Variants in ADAM11 observed in about 807,000 individuals in gnomAD.
ADAM11 encodes the protein disintegrin and metalloproteinase domain-containing protein 11.
Under a neutral mutation model 119.1 loss-of-function variants are expected in ADAM11, and 49 were observed. That is an observed-to-expected ratio of 0.41 (90% CI 0.33 to 0.52). ADAM11 has a LOEUF of 0.52. ADAM11 is among the 20% of genes least tolerant of loss of function. The probability of loss-of-function intolerance (pLI) is 0.20; values close to 1 mark genes in which losing one functional copy is unlikely to be tolerated. For missense variants in ADAM11, 777 were observed against 1,047.5 expected (o/e 0.74, Z 3.56); for synonymous variants, 364 against 408.0 (o/e 0.89, Z 1.30).
intron 2 of ADAM11, among the ~76,000 whole-genome samples, chr17:44,766,594 C>A (rs77333499): frequency 0.012 from 1,886 of 152,292 alleles, 28 homozygotes; most frequent in African/African-American, 0.041. Flanking sequence ...TGAGATCCAG[C>A]CCCACACCTC....
intron 2 of ADAM11, among the ~76,000 whole-genome samples, chr17:44,766,070 C>T (rs2049446802): frequency 6.6e-6 from 1 of 152,140 alleles, no homozygotes; most frequent in Admixed American, 6.5e-5. Context: ...TAAAGGTCGC[C>T]CACCTGAAAA....
chr17:44,772,870 A>T lies in ADAM11; in HGVS notation c.692A>T (p.His231Leu). The T allele has an allele frequency of 6.2e-7, 1 of 1,602,658 alleles. No individual in the cohort carries two copies. The highest frequency in any genetic ancestry group is 8.5e-7 in the Non-Finnish European group (1 of 1,173,766). Reference protein sequence around the residue: ...LRRKRQVRRGHPTVHSETKYV... With the variant: ...LRRKRQVRRGLPTVHSETKYV... Reference sequence around the variant, plus strand: ...CCCACCCCCCAGGTCCGCCGGGGCCACCCTACAGTGCACAGTGAAACCAAG... The same window carrying T: ...CCCACCCCCCAGGTCCGCCGGGGCCTCCCTACAGTGCACAGTGAAACCAAG... Residue 231 changes from histidine (H) to leucine (L), a missense_variant, in exon 9 of 27, where the codon CAC (histidine) becomes CTC (leucine). Transcript: ENST00000200557. This position sits in a 1 kb window ranked among gnomAD's most constrained non-coding sequence, Gnocchi z 4.5.
intron 4 of ADAM11, among the ~76,000 whole-genome samples, chr17:44,770,901 G>A (rs557621496): frequency 6.6e-6 from 1 of 152,148 alleles, no homozygotes; most frequent in African/African-American, 2.4e-5. Flanking sequence ...GATCACGTGA[G>A]GTCAGGAGTT....
In ADAM11 at chr17:44,775,585, A is replaced by C. The variant is rs1233946925; in HGVS notation, c.1394A>C (p.Glu465Ala). The C allele has an allele frequency of 1.3e-6, 2 of 1,573,302 alleles. No homozygotes were observed. The highest frequency in any genetic ancestry group is 3.6e-5 in the Admixed American group (2 of 54,838). ...TTCCCCTCCTCCCGCGTCCCTCAGG[A>C]GTGCAGCCGCGCAGGTGGCAACTGC... is the stretch of plus-strand genomic sequence containing the variant. ...GEECDCGSVQECSRAGGNCCK... is the reference protein window; with the variant it reads ...GEECDCGSVQACSRAGGNCCK... The change falls in exon 17 of 27, where the codon GAG becomes GCG. Residue 465 changes from glutamate (E) to alanine (A), a missense_variant and splice_region_variant. By Grantham distance (107) the Glu-to-Ala change is moderately radical. Around this residue, in one of 4 missense-constraint regions of ADAM11, gnomAD observed 348 missense variants for 486.7 expected, o/e 0.72. Coordinates refer to ENST00000200557, the MANE Select transcript of ADAM11 (RefSeq NM_002390.6). The surrounding 1 kb of genome is among the most constrained non-coding windows in gnomAD (Gnocchi z 7.5).
chr17:44,760,116 CAG>C (rs1280532928), intron 2 of ADAM11, among the ~76,000 whole-genome samples: 1 of 152,222 alleles, frequency 6.6e-6, no homozygotes, highest in Admixed American at 6.5e-5. Flanking sequence ...CCCCTGCCCT[CAG>C]TGTACAGGGA....
rs545211838 is a variant in ADAM11, at chr17:44,780,950, A to T, written c.*1196A>T. The stretch of plus-strand genomic sequence containing the variant: ...TGCAGCGAGCCTGAGAGCCAGGTAG[A>T]GCCAGGCACAGCTCCTCAGTCTTCT... On this transcript the variant is annotated 3_prime_UTR_variant, in exon 27 of 27. Coordinates refer to ENST00000200557, the MANE Select transcript of ADAM11 (RefSeq NM_002390.6). The T allele has an allele frequency of 6.5e-6, 1 of 152,762 alleles. No homozygotes were observed. Among genetic ancestry groups the T allele is most frequent in the Admixed American group, 6.5e-5 (1 of 15,304 alleles). The allele number at this position is 152,762 out of a possible 1,614,324, so 9.5% of individuals were successfully genotyped here.
intron 25 of ADAM11, among the ~76,000 whole-genome samples, chr17:44,778,688 C>CAAAAAAAAAAAAAAAAAAAAA (rs566515861): frequency 1.9e-5 from 1 of 52,430 alleles, no homozygotes; most frequent in Non-Finnish European, 3.6e-5. Flanking sequence ...AAGACTGCGT[C>CAAAAAAAAAAAAAAAAAAAAA]AAAAAAAAAA....
At chr17:44,774,252 A>AG (rs1473831528) in intron 11 of ADAM11, 43 bp from the exon 12 acceptor site, 1 of 1,331,830 alleles carries the variant, frequency 7.5e-7, no homozygotes, top group African/African-American at 1.5e-5. Flanking sequence ...GGGGAGCCAC[A>AG]GGGGAGGGCA....
Position 44,773,104 on chromosome 17 carries a change from C to T in ADAM11, c.825+19C>T. 7 of 1,611,334 alleles carry T rather than the reference C, an allele frequency of 4.3e-6. 1 individual carries two copies. The South Asian group carries it at 6.6e-5, about 15-fold the overall frequency. On this transcript the variant is annotated intron_variant, in intron 10 of 26. Transcript: ENST00000200557. This position sits in a 1 kb window ranked among gnomAD's most constrained non-coding sequence, Gnocchi z 4.6. The stretch of plus-strand genomic sequence containing the variant: ...CGATGTGGTAAGCAGCTCTCCCTCC[C>T]TCCCTTCCCTCCTCCTCATGCCCCC...
At position 44,773,062 on chromosome 17, in the gene ADAM11, T is replaced by A. The variant is rs1598890338; in HGVS notation, c.802T>A (p.Ser268Thr). The change falls in exon 10 of 27, where the codon TCC becomes ACC. Residue 268 changes from serine to threonine, a missense_variant. Physicochemically the swap from Ser to Thr is moderately conservative, Grantham distance 58. This residue lies in a region of ADAM11 where 147 missense variants were observed against 223.3 expected (regional missense o/e 0.66). Coordinates refer to ENST00000200557, the MANE Select transcript of ADAM11 (RefSeq NM_002390.6). This position sits in a 1 kb window ranked among gnomAD's most constrained non-coding sequence, Gnocchi z 4.6. ...SVVLTSNFAK[S>T]VVNLADVIYK... ...GGTCCTCACCAGCAACTTTGCCAAG[T>A]CCGTGGTGAACCTGGCCGATGTGGT... is the stretch of plus-strand genomic sequence containing the variant. The A allele has an allele frequency of 1.2e-6, 2 of 1,613,612 alleles. No individual in the cohort carries two copies.
At chr17:44,769,884 G>A (rs765168333) in intron 3 of ADAM11, 90 bp downstream of exon 3, 89 of 1,603,798 alleles carry the variant, frequency 5.5e-5, no homozygotes, top group Non-Finnish European at 7.2e-5. Flanking sequence ...TGGGGGTTGG[G>A]CCTGGGCAGA....
At position 44,775,385 on chromosome 17, in the gene ADAM11, C is replaced by A. The variant is rs776597194; in HGVS notation, c.1321-9C>A. On this transcript the variant is annotated splice_polypyrimidine_tract_variant and intron_variant, in intron 15 of 26. Coordinates refer to ENST00000200557, the MANE Select transcript of ADAM11 (RefSeq NM_002390.6). This position sits in a 1 kb window ranked among gnomAD's most constrained non-coding sequence, Gnocchi z 7.5. Reference sequence around the variant, plus strand: ...CGGGCCAGACTCCCGACCTGTCCTCCCGGTCCAGCTCCTGGACCCCCCAGA... The same window carrying A: ...CGGGCCAGACTCCCGACCTGTCCTCACGGTCCAGCTCCTGGACCCCCCAGA... The A allele has an allele frequency of 1.9e-6, 3 of 1,612,674 alleles. No homozygotes were observed. Among genetic ancestry groups the A allele is most frequent in the Non-Finnish European group, 1.7e-6 (2 of 1,179,740 alleles).
At position 44,773,574 on chromosome 17, in the gene ADAM11, G is replaced by A. The variant is rs571670238; in HGVS notation, c.992+147G>A. ...ACCTGCCACCTACCCCCAGCCACAT[G>A]CAACAGCTGGGCATCATCCCCTGAA... On this transcript the variant is annotated intron_variant, in intron 11 of 26. Transcript: ENST00000200557. The surrounding 1 kb of genome is among the most constrained non-coding windows in gnomAD (Gnocchi z 4.6). The A allele has an allele frequency of 4.7e-5, 46 of 979,316 alleles. No homozygotes were observed. The South Asian group carries it at 7.5e-4, about 16-fold the overall frequency. 60.7% of individuals were successfully genotyped at this position (979,316 alleles called of 1,614,324 possible). A position where few individuals can be genotyped will look rare whatever the true frequency, so the allele number is the denominator to read the frequency against.
Position 44,775,334 on chromosome 17 carries a change from C to T in ADAM11, c.1320+23C>T. On this transcript the variant is annotated intron_variant, in intron 15 of 26. Coordinates refer to ENST00000200557, the MANE Select transcript of ADAM11 (RefSeq NM_002390.6). This position sits in a 1 kb window ranked among gnomAD's most constrained non-coding sequence, Gnocchi z 7.5. ...AAGGTACCAGCCCCGCGGCGGGGAG[C>T]ATGGGAGCGGGCCCTGGGCGGGGTC... 6.2e-7 allele frequency: 1 copy of T among 1,613,520 alleles called. No homozygotes were observed. Among genetic ancestry groups the T allele is most frequent in the South Asian group, 1.1e-5 (1 of 91,082 alleles).
Position 44,769,701 on chromosome 17 carries a change from G to C in ADAM11, c.238-17G>C, listed in dbSNP as rs1434170712. ...GCCTCCCTGGGTTGACTCCCCCTCT[G>C]CCCTCCCCCCACCCAGCCTGTCCAT... On this transcript the variant is annotated splice_polypyrimidine_tract_variant and intron_variant, in intron 2 of 26. Coordinates refer to ENST00000200557, the MANE Select transcript of ADAM11 (RefSeq NM_002390.6). The C allele has an allele frequency of 1.3e-6, 2 of 1,597,574 alleles. No individual in the cohort carries two copies. The highest frequency in any genetic ancestry group is 1.7e-6 in the Non-Finnish European group (2 of 1,167,148).
chr17:44,767,251 G>A (rs1179727264), intron 2 of ADAM11, among the ~76,000 whole-genome samples: 1 of 150,726 alleles, frequency 6.6e-6, no homozygotes, highest in Non-Finnish European at 1.5e-5. Flanking sequence ...AGCTCCTCGG[G>A]AGGCTGAGGC....
Position 44,777,719 on chromosome 17 carries a change from C to T in ADAM11, c.1926C>T (p.Asp642=), listed in dbSNP as rs200119739. 103 of 1,613,784 alleles carry T rather than the reference C, an allele frequency of 6.4e-5. No individual in the cohort carries two copies. The highest frequency in any genetic ancestry group is 1.2e-4 in the Admixed American group (7 of 60,016). Residue 642 remains aspartate, a synonymous_variant, in exon 23 of 27, where the codon GAC becomes GAT. Transcript: ENST00000200557. The surrounding 1 kb of genome is among the most constrained non-coding windows in gnomAD (Gnocchi z 5.1). ...DCRGGHVQLA[D]GSDLSYVEDG... ...GGGGAGGCCACGTGCAGCTGGCGGA[C>T]GGCTCTGACCTGAGCTATGTGGAGG...
intron 14 of ADAM11, 121 bp downstream of exon 14, chr17:44,774,870 C>A: frequency 8.0e-7 from 1 of 1,248,512 alleles, no homozygotes; most frequent in Non-Finnish European, 1.1e-6. Flanking sequence ...ACTCAGGATC[C>A]CAAGAAGCCC....
In ADAM11 at chr17:44,778,713, A is replaced by AAAAAAAG. The variant is rs71136047; in HGVS notation, c.2276+471_2276+472insAAAAAAG. Among the ~76,000 whole-genome samples, 91 of 80,476 alleles carry AAAAAAAG rather than the reference A, an allele frequency of 1.1e-3. 11 individuals are homozygous for AAAAAAAG. Among genetic ancestry groups the AAAAAAAG allele is most frequent in the African/African-American group, 2.9e-3 (53 of 18,158 alleles). The allele number at this position is 80,476 out of a possible 152,430, so 52.8% of individuals were successfully genotyped here. A position where few individuals can be genotyped will look rare whatever the true frequency, so the allele number is the denominator to read the frequency against. On this transcript the variant is annotated intron_variant, in intron 25 of 26. Coordinates refer to ENST00000200557, the MANE Select transcript of ADAM11 (RefSeq NM_002390.6). Reference sequence around the variant, plus strand: ...CAAAAAAAAAAAAAAAAAAAAAAAAAGAAAGAAAGAGAGAAAGAAAAGAAA... The same window carrying AAAAAAAG: ...CAAAAAAAAAAAAAAAAAAAAAAAAAAAAAAAGGAAAGAAAGAGAGAAAGAAAAGAAA...
Sources: gnomAD v4.1 joint callset for allele counts (sites outside exome capture counted in the v4.1 genomes callset) on GRCh38, gnomAD v4.1.1 for gene constraint, gnomAD v4.1.1 regional missense constraint, Gnocchi (gnomAD v3.1) non-coding constraint, MANE v1.5 for transcripts, NCBI Gene and HGNC (gene_info 2026-07-23, HGNC 2026-07-21) for gene names.